Variants in CDH12 observed in about 807,000 individuals in gnomAD.
CDH12 encodes cadherin 12, also known as cadherin-12.
In CDH12, 41 loss-of-function variants were observed where a neutral mutation model predicts 74.1. That is an observed-to-expected ratio of 0.55 (90% CI 0.43 to 0.72). The LOEUF is 0.72. Among genes scored for constraint, CDH12 ranks in the 30% least tolerant of loss-of-function variants. CDH12 has a pLI of 0.00. For synonymous variants in CDH12, 399 were observed against 355.0 expected (o/e 1.12, Z -1.39); for missense variants, 945 against 977.2 (o/e 0.97, Z 0.44).
intron 1 of CDH12, among the ~76,000 whole-genome samples, chr5:22,837,954 T>G (rs1404977108): frequency 6.6e-6 from 1 of 152,178 alleles, no homozygotes; most frequent in Non-Finnish European, 1.5e-5. Context: ...ACTTCACAGA[T>G]TCCTCTACCC....
intron 1 of CDH12, among the ~76,000 whole-genome samples, chr5:22,715,798 C>A (rs1743541452): frequency 8.8e-6 from 1 of 113,550 alleles, no homozygotes; most frequent in Non-Finnish European, 1.9e-5. Context: ...GAGATCCCAT[C>A]TAAAAAAAAA....
intron 1 of CDH12, among the ~76,000 whole-genome samples, chr5:22,626,519 T>C (rs914992625): frequency 6.6e-6 from 1 of 152,134 alleles, no homozygotes; most frequent in Admixed American, 6.6e-5. Context: ...GAATCAAAGC[T>C]AGTTGACCTA....
intron 5 of CDH12, among the ~76,000 whole-genome samples, chr5:21,995,054 C>T (rs954705721): frequency 6.6e-6 from 1 of 152,078 alleles, no homozygotes. Context: ...TCTGCCGCTT[C>T]ACACCTGAAG....
chr5:22,498,688 T>G (rs956799899), intron 2 of CDH12, among the ~76,000 whole-genome samples: 1 of 151,940 alleles, frequency 6.6e-6, no homozygotes, highest in Admixed American at 6.6e-5. Flanking sequence ...TCTGCCAATG[T>G]TTAAGTCTTT....
chr5:21,888,710 A>G (rs1752758412), intron 6 of CDH12, among the ~76,000 whole-genome samples: 1 of 152,122 alleles, frequency 6.6e-6, no homozygotes. Flanking sequence ...CTACATAGAT[A>G]TAAGTAAATT....
At chr5:22,797,101 C>G (rs1056990921) in intron 1 of CDH12, among the ~76,000 whole-genome samples, 2 of 151,046 alleles carry the variant, frequency 1.3e-5, no homozygotes, top group African/African-American at 4.9e-5. Context: ...GAAATTCTAA[C>G]CCTTTAGTAT....
intron 1 of CDH12, among the ~76,000 whole-genome samples, chr5:22,512,686 G>A (rs1736661109): frequency 6.6e-6 from 1 of 152,180 alleles, no homozygotes; most frequent in South Asian, 2.1e-4. Flanking sequence ...ATTTTAAAAG[G>A]AGGTGAAGTC....
At chr5:22,509,666 T>C (rs957367010) in intron 1 of CDH12, among the ~76,000 whole-genome samples, 1 of 152,066 alleles carries the variant, frequency 6.6e-6, no homozygotes. Flanking sequence ...ATGCAACTAG[T>C]TTGTAGAATG....
intron 1 of CDH12, among the ~76,000 whole-genome samples, chr5:22,721,709 C>T (rs1270759145): frequency 6.6e-6 from 1 of 152,008 alleles, no homozygotes; most frequent in Non-Finnish European, 1.5e-5. Flanking sequence ...AATTGTAATC[C>T]CCATGTGTTG....
intron 13 of CDH12, among the ~76,000 whole-genome samples, chr5:21,757,009 G>A (rs751318698): frequency 4.6e-5 from 7 of 152,046 alleles, no homozygotes; most frequent in Admixed American, 1.3e-4. Flanking sequence ...ACTTGAGTCC[G>A]CGGAAAAGGA....
At chr5:21,925,352 G>A (rs918071288) in intron 6 of CDH12, among the ~76,000 whole-genome samples, 1 of 152,166 alleles carries the variant, frequency 6.6e-6, no homozygotes, top group Non-Finnish European at 1.5e-5. Context: ...CATCATTTAA[G>A]TCAATGAATA....
chr5:22,642,679 T>TA (rs1308419116), intron 1 of CDH12, among the ~76,000 whole-genome samples: 4 of 152,112 alleles, frequency 2.6e-5, no homozygotes, highest in Non-Finnish European at 2.9e-5. Flanking sequence ...TTTTATTTTT[T>TA]AAAAATTGGA....
At chr5:22,176,557 C>G (rs996952338) in intron 4 of CDH12, among the ~76,000 whole-genome samples, 1 of 152,066 alleles carries the variant, frequency 6.6e-6, no homozygotes, top group Non-Finnish European at 1.5e-5. Context: ...CTTATCTATT[C>G]CAATAGCAGA....
At chr5:21,861,423 T>C (rs1751036925) in intron 6 of CDH12, among the ~76,000 whole-genome samples, 1 of 152,054 alleles carries the variant, frequency 6.6e-6, no homozygotes. Context: ...AATAAAAATA[T>C]ACTGAGTGAG....
chr5:22,822,802 A>G (rs1749778426), intron 1 of CDH12, among the ~76,000 whole-genome samples: 1 of 152,194 alleles, frequency 6.6e-6, no homozygotes. Context: ...GAAGTAGTTC[A>G]ACCATTGTGG....
At chr5:22,692,031 A>G (rs1441120372) in intron 1 of CDH12, among the ~76,000 whole-genome samples, 1 of 152,118 alleles carries the variant, frequency 6.6e-6, no homozygotes, top group Non-Finnish European at 1.5e-5. Flanking sequence ...CTGATCCCCA[A>G]TGTTAGAGGT....
At chr5:22,225,440 C>T (rs1417967690) in intron 3 of CDH12, among the ~76,000 whole-genome samples, 1 of 152,030 alleles carries the variant, frequency 6.6e-6, no homozygotes, top group East Asian at 1.9e-4. Context: ...ATTGCTAATA[C>T]AACTGAAATG....
chr5:22,187,367 T>G (rs190440343), intron 4 of CDH12, among the ~76,000 whole-genome samples: 1 of 152,236 alleles, frequency 6.6e-6, no homozygotes, highest in African/African-American at 2.4e-5. Flanking sequence ...TTCTAAACCA[T>G]GCCTTTGTGT....
At chr5:22,799,702 C>T (rs565336891) in intron 1 of CDH12, among the ~76,000 whole-genome samples, 1 of 152,208 alleles carries the variant, frequency 6.6e-6, no homozygotes, top group African/African-American at 2.4e-5. Flanking sequence ...ACTCAGTACT[C>T]CCCACATTCA....
Sources: allele counts gnomAD v4.1 joint callset (sites outside exome capture counted in the v4.1 genomes callset), GRCh38; gene constraint gnomAD v4.1.1; transcripts MANE v1.5; gene names NCBI Gene and HGNC (gene_info 2026-07-23, HGNC 2026-07-21).